Variants in NUP85 observed in about 807,000 individuals in gnomAD.
The protein encoded by NUP85 is nuclear pore complex protein Nup85.
Under a neutral mutation model 92.8 loss-of-function variants are expected in NUP85, and 23 were observed. The observed-to-expected ratio is 0.25, with a 90% CI of 0.18 to 0.35. The LOEUF is 0.35. Ranked by LOEUF, NUP85 falls within the 10% of genes least tolerant of loss-of-function variation. The pLI is 1.00. For missense variants in NUP85, 759 were observed against 822.8 expected (o/e 0.92, Z 0.95); for synonymous variants, 314 against 306.9 (o/e 1.02, Z -0.24).
rs2291029 is a variant in NUP85, at chr17:75,225,344, C to T, written c.735C>T (p.Pro245=). 0.98 allele frequency: 1,576,923 copies of T among 1,614,130 alleles called. 773,316 individuals are homozygous for T. Among genetic ancestry groups the T allele is most frequent in the Non-Finnish European group, 1 (1,178,399 of 1,180,042 alleles). Residue 245 remains proline, a splice_region_variant and synonymous_variant, in exon 9 of 19, where the codon CCC becomes CCT. Coordinates refer to ENST00000245544, the MANE Select transcript of NUP85 (RefSeq NM_024844.5). The stretch of plus-strand genomic sequence containing the variant: ...CTCATGGCTGGTCTCTCCCTTAGCC[C>T]GGGAACACCCAGACACTGACAGAGC... ...DLMRTMPILS[P]GNTQTLTELE... is the part of the protein sequence containing the mutation.
chr17:75,225,552 C>T lies in NUP85; in HGVS notation c.855+88C>T, dbSNP rs1598311678. ...CAGCAGTGGCAGGAGCTTGGTCCTCCTTGGATAGGGCTGTCTGTCGCTCTG... is the reference window on the plus strand; with the variant it reads ...CAGCAGTGGCAGGAGCTTGGTCCTCTTTGGATAGGGCTGTCTGTCGCTCTG... On this transcript the variant is annotated intron_variant, in intron 9 of 18. Transcript: ENST00000245544. The T allele has an allele frequency of 3.2e-6, 5 of 1,577,414 alleles. No homozygotes were observed. In the East Asian group the frequency reaches 9.0e-5, roughly 28 times the overall value.
intron 1 of NUP85, among the ~76,000 whole-genome samples, chr17:75,206,365 C>T (rs2075080869): frequency 6.6e-6 from 1 of 152,036 alleles, no homozygotes; most frequent in African/African-American, 2.4e-5. Context: ...CTCTTGTTTT[C>T]CCTCTTGTTA....
intron 11 of NUP85, among the ~76,000 whole-genome samples, chr17:75,230,416 A>G (rs2076007023): frequency 1.3e-5 from 2 of 149,554 alleles, no homozygotes; most frequent in South Asian, 4.2e-4. Flanking sequence ...CCGGAGTACA[A>G]TGGCGCGATC....
chr17:75,215,692 T>C, intron 5 of NUP85, 62 bp from the exon 6 acceptor site: 1 of 1,476,944 alleles, frequency 6.8e-7, no homozygotes, highest in Non-Finnish European at 9.5e-7. Context: ...CTTTATCCCT[T>C]GGCTCTGAGA....
intron 11 of NUP85, chr17:75,228,274 G>C (rs950683263): frequency 2.0e-6 from 2 of 985,202 alleles, no homozygotes; most frequent in Non-Finnish European, 1.2e-6. Flanking sequence ...ACCATGAAGA[G>C]GGGTGAACAA....
intron 11 of NUP85, chr17:75,226,720 A>G (rs2075810070): frequency 2.2e-6 from 1 of 448,018 alleles, no homozygotes; most frequent in Non-Finnish European, 4.5e-6. Context: ...GAGGGCTACC[A>G]TATACATAAC....
At chr17:75,229,877 C>T (rs2075977545) in intron 11 of NUP85, among the ~76,000 whole-genome samples, 1 of 152,156 alleles carries the variant, frequency 6.6e-6, no homozygotes, top group Non-Finnish European at 1.5e-5. Flanking sequence ...TTTTCACTGG[C>T]TTCTCCAATG....
At chr17:75,221,145 G>C (rs1179788585) in intron 7 of NUP85, among the ~76,000 whole-genome samples, 2 of 151,856 alleles carry the variant, frequency 1.3e-5, no homozygotes, top group Non-Finnish European at 2.9e-5. Flanking sequence ...CTCCCAAAGT[G>C]GTGGGTTTAC....
Position 75,208,536 on chromosome 17 carries a change from G to C in NUP85, c.43G>C (p.Gly15Arg). The change falls in exon 2 of 19, where the codon GGC becomes CGC. Residue 15 changes from glycine (G) to arginine (R), a missense_variant. Transcript: ENST00000245544. ...TGCCTTATTTTACTAGTTGATTCCA[G>C]GCGTGAATTCCAAGAAGAACCAAAT... The part of the protein sequence containing the change: ...DGEPTVTLIP[G>R]VNSKKNQMYF... The C allele has an allele frequency of 6.3e-7, 1 of 1,582,248 alleles. No individual in the cohort carries two copies. The highest frequency in any genetic ancestry group is 2.2e-5 in the East Asian group (1 of 44,722).
In NUP85 at chr17:75,231,581, C is replaced by A; in HGVS notation, c.1187C>A (p.Ser396Tyr). The A allele has an allele frequency of 6.2e-7, 1 of 1,614,192 alleles. No individual in the cohort carries two copies. Among genetic ancestry groups the A allele is most frequent in the South Asian group, 1.1e-5 (1 of 91,078 alleles). ...LLQSHNLYFG[S>Y]NMREFLLLEY... ...GTTATGTTTTATTCCAGTTTCGGTTCCAACATGAGAGAGTTCCTCCTGCTG... is the reference window on the plus strand; with the variant it reads ...GTTATGTTTTATTCCAGTTTCGGTTACAACATGAGAGAGTTCCTCCTGCTG... The change falls in exon 13 of 19, where the codon TCC becomes TAC. Residue 396 changes from serine to tyrosine, a missense_variant. Coordinates refer to ENST00000245544, the MANE Select transcript of NUP85 (RefSeq NM_024844.5). This position sits in a 1 kb window ranked among gnomAD's most constrained non-coding sequence, Gnocchi z 4.6.
chr17:75,226,832 T>C, intron 11 of NUP85: 2 of 430,156 alleles, frequency 4.6e-6, no homozygotes, highest in Non-Finnish European at 9.3e-6. Context: ...TGGCACCTAA[T>C]GGACACCTTA....
chr17:75,229,380 C>T (rs2075952341), intron 11 of NUP85, among the ~76,000 whole-genome samples: 1 of 152,150 alleles, frequency 6.6e-6, no homozygotes, highest in Non-Finnish European at 1.5e-5. Flanking sequence ...GGACAAACAG[C>T]TCATTTGGGG....
intron 14 of NUP85, 83 bp from the exon 15 acceptor site, chr17:75,232,768 A>G (rs1598351183): frequency 4.1e-6 from 5 of 1,220,646 alleles, no homozygotes; most frequent in Non-Finnish European, 4.8e-6. Flanking sequence ...TGAGGCTGTG[A>G]GGCCACTCCG....
chr17:75,218,305 T>C lies in NUP85; in HGVS notation c.596T>C (p.Leu199Ser). Reference sequence around the variant, plus strand: ...AGCAAACATGACAGCTTCTGGAACTTGGTAAGACAGGCCGGGCCCCCACCT... The same window carrying C: ...AGCAAACATGACAGCTTCTGGAACTCGGTAAGACAGGCCGGGCCCCCACCT... ...NPSKHDSFWN[L>S]VTILVLQGRL... The change falls in exon 7 of 19, where the codon TTG becomes TCG. Residue 199 changes from leucine (L) to serine (S), a missense_variant and splice_region_variant. Physicochemically the swap from Leu to Ser is moderately radical, Grantham distance 145. Transcript: ENST00000245544. 2 of 1,613,168 alleles carry C rather than the reference T, an allele frequency of 1.2e-6. No homozygotes were observed. Among genetic ancestry groups the C allele is most frequent in the Non-Finnish European group, 1.7e-6 (2 of 1,179,444 alleles).
rs768972466 is a variant in NUP85 at position 75,225,218 on chromosome 17, G to A, written c.713G>A (p.Arg238Lys). 6.2e-7 allele frequency: 1 copy of A among 1,607,554 alleles called. No individual in the cohort carries two copies. Among genetic ancestry groups the A allele is most frequent in the Non-Finnish European group, 8.5e-7 (1 of 1,175,670 alleles). Residue 238 changes from arginine (R) to lysine (K), a missense_variant, in exon 8 of 19, where the codon AGG (arginine) becomes AAG (lysine). By Grantham distance (26) the Arg-to-Lys change is conservative. Coordinates refer to ENST00000245544, the MANE Select transcript of NUP85 (RefSeq NM_024844.5). ...GICRIMGDLM[R>K]TMPILSPGNT... ...TGCCGAATCATGGGGGACCTGATGA[G>A]GACAATGCCCATTCTTAGTGTACGT...
At position 75,208,606 on chromosome 17, in the gene NUP85, C is replaced by T. The variant is rs776562028; in HGVS notation, c.113C>T (p.Ser38Phe). The T allele has an allele frequency of 3.1e-6, 5 of 1,592,942 alleles. No individual in the cohort carries two copies. Among genetic ancestry groups the T allele is most frequent in the Non-Finnish European group, 4.3e-6 (5 of 1,163,444 alleles). The change falls in exon 2 of 19, where the codon TCC becomes TTC. Residue 38 changes from serine (S) to phenylalanine (F), a missense_variant. Transcript: ENST00000245544. ...GPGEMLVCET[S>F]FNKKEKSEMV... ...GGGGAGATGCTGGTATGTGAAACCT[C>T]CTTCAACAAAAAAGGTAGGGTTTTT...
At chr17:75,212,121 GTATT>G (rs1182072064) in intron 4 of NUP85, 59 bp downstream of exon 4, 53 of 1,193,492 alleles carry the variant, frequency 4.4e-5, no homozygotes, top group African/African-American at 1.1e-4. Flanking sequence ...GGTATTTTGA[GTATT>G]TATCTATGCA....
chr17:75,211,055 T>G lies in NUP85; in HGVS notation c.291-937T>G, dbSNP rs182279238. On this transcript the variant is annotated intron_variant, in intron 3 of 18. Coordinates refer to ENST00000245544, the MANE Select transcript of NUP85 (RefSeq NM_024844.5). The stretch of plus-strand genomic sequence containing the variant: ...TTTCACTCTGTCACCCAGGCTGGAG[T>G]GCAGTGGCGCAATCTTGGCCCACTG... Among the ~76,000 whole-genome samples the G allele has an allele frequency of 2.3e-3, 314 of 137,936 alleles. 1 individual carries two copies. In the South Asian group the frequency reaches 0.023, roughly 10 times the overall value. The allele number at this position is 137,936 out of a possible 152,430, so 90.5% of individuals were successfully genotyped here. A position where few individuals can be genotyped will look rare whatever the true frequency, so the allele number is the denominator to read the frequency against.
rs1480898111 is a variant in NUP85 at position 75,235,119 on chromosome 17, A to C, written c.1787A>C (p.Gln596Pro). 1 of 1,614,098 alleles carries C rather than the reference A, an allele frequency of 6.2e-7. No homozygotes were observed. The highest frequency in any genetic ancestry group is 1.1e-5 in the South Asian group (1 of 91,080). The change falls in exon 18 of 19, where the codon CAG becomes CCG. Residue 596 changes from glutamine (Q) to proline (P), a missense_variant. Physicochemically the swap from Gln to Pro is moderately conservative, Grantham distance 76 (BLOSUM62 -1). Coordinates refer to ENST00000245544, the MANE Select transcript of NUP85 (RefSeq NM_024844.5). ...EQKQVIFSAE[Q>P]TYELMRCLED... is the part of the protein sequence containing the mutation. Reference sequence around the variant, plus strand: ...CCCTAGGTGATTTTCTCAGCAGAACAGACTTATGAGTTGATGCGGTGTCTG... The same window carrying C: ...CCCTAGGTGATTTTCTCAGCAGAACCGACTTATGAGTTGATGCGGTGTCTG...
Sources: gnomAD v4.1 joint callset for allele counts (sites outside exome capture counted in the v4.1 genomes callset) on GRCh38, gnomAD v4.1.1 for gene constraint, Gnocchi (gnomAD v3.1) non-coding constraint, MANE v1.5 for transcripts, NCBI Gene and HGNC (gene_info 2026-07-23, HGNC 2026-07-21) for gene names.